The following MEDAG variants were observed in gnomAD, a reference collection of about 807,000 sequenced individuals.
MEDAG encodes the protein mesenteric estrogen dependent adipogenesis.
MEDAG carries 25 observed loss-of-function variants against 29.9 expected under a neutral mutation model. The ratio of observed to expected loss-of-function variants is 0.84; its 90% confidence interval spans 0.61 to 1.17. The LOEUF (loss-of-function observed/expected upper bound fraction) is 1.17. Ranked by LOEUF, MEDAG falls within the 50% of genes most tolerant of loss-of-function variation. MEDAG has a pLI of 0.00. For synonymous variants in MEDAG, 158 were observed against 148.2 expected (o/e 1.07, Z -0.48); for missense variants, 398 against 372.9 (o/e 1.07, Z -0.56).
chr13:30,908,136 A>G (rs976234647), intron 1 of MEDAG, among the ~76,000 whole-genome samples: 1 of 152,250 alleles, frequency 6.6e-6, no homozygotes, highest in Non-Finnish European at 1.5e-5. Flanking sequence ...TAATTGTAGC[A>G]AACAGTGCTG....
intron 1 of MEDAG, among the ~76,000 whole-genome samples, chr13:30,910,181 G>A (rs1041943113): frequency 2.2e-4 from 16 of 74,370 alleles, no homozygotes; most frequent in African/African-American, 6.4e-4. Flanking sequence ...CATTAACTAC[G>A]ACACACACAC....
rs1352881402 is a variant in MEDAG, at chr13:30,906,609, C to T, written c.94C>T (p.Leu32=). 1 of 1,585,332 alleles carries T rather than the reference C, an allele frequency of 6.3e-7. No homozygotes were observed. Among genetic ancestry groups the T allele is most frequent in the East Asian group, 2.3e-5 (1 of 43,550 alleles). ...LRSLWTCDCE[L]ALLPLAQLLR... is the part of the protein sequence containing the mutation. ...CAGCCTGTGGACCTGCGACTGCGAG[C>T]TGGCCCTGCTGCCGCTGGCTCAGCT... Residue 32 remains leucine, a synonymous_variant, in exon 1 of 5, where the codon CTG becomes TTG. Coordinates refer to ENST00000380482, the MANE Select transcript of MEDAG (RefSeq NM_032849.4).
Position 30,924,413 on chromosome 13 carries a change from A to G in MEDAG, c.890A>G (p.Glu297Gly). ...LPFPSVLESE[E>G]TPNQFI is the part of the protein sequence containing the mutation. ...TTTCCAAGTGTTCTGGAATCTGAAG[A>G]GACACCCAACCAATTTATCTGATTG... The change falls in exon 5 of 5, where the codon GAG becomes GGG. Residue 297 changes from glutamate to glycine, a missense_variant. Transcript: ENST00000380482. 5 of 1,614,102 alleles carry G rather than the reference A, an allele frequency of 3.1e-6. No individual in the cohort carries two copies. The highest frequency in any genetic ancestry group is 3.4e-6 in the Non-Finnish European group (4 of 1,180,018).
At chr13:30,918,564 T>C (rs72623491) in intron 2 of MEDAG, among the ~76,000 whole-genome samples, 27,033 of 152,202 alleles carry the variant, frequency 0.18, 2,510 homozygotes, top group East Asian at 0.38. Flanking sequence ...AATTTCAGTA[T>C]GAAAATGTCT....
At chr13:30,923,352 CTCTT>C (rs1953008070) in intron 4 of MEDAG, among the ~76,000 whole-genome samples, 1 of 152,056 alleles carries the variant, frequency 6.6e-6, no homozygotes. Context: ...CCATCTCTTT[CTCTT>C]TCTCTCTGTG....
chr13:30,912,318 A>G (rs1952889204), intron 1 of MEDAG, among the ~76,000 whole-genome samples: 1 of 152,248 alleles, frequency 6.6e-6, no homozygotes, highest in Non-Finnish European at 1.5e-5. Flanking sequence ...AAGGCGATCA[A>G]GCTAACACTG....
Position 30,924,518 on chromosome 13 carries a change from G to C in MEDAG, c.*83G>C, listed in dbSNP as rs1238709718. On this transcript the variant is annotated 3_prime_UTR_variant, in exon 5 of 5. Coordinates refer to ENST00000380482, the MANE Select transcript of MEDAG (RefSeq NM_032849.4). Reference sequence around the variant, plus strand: ...CTGGGGGGAGGGTAGGAGGTGGGAGGCAGATACTTCCACCTGCGTGTCAAT... The same window carrying C: ...CTGGGGGGAGGGTAGGAGGTGGGAGCCAGATACTTCCACCTGCGTGTCAAT... 2 of 1,379,212 alleles carry C rather than the reference G, an allele frequency of 1.5e-6. No homozygotes were observed. The highest frequency in any genetic ancestry group is 4.9e-5 in the East Asian group (2 of 40,486). 85.4% of individuals were successfully genotyped at this position (1,379,212 alleles called of 1,614,324 possible).
At chr13:30,918,324 A>G (rs9547938) in intron 2 of MEDAG, among the ~76,000 whole-genome samples, 2,624 of 152,332 alleles carry the variant, frequency 0.017, 40 homozygotes, top group Non-Finnish European at 0.028. Flanking sequence ...ATCAATAATT[A>G]TTCTGGGAAG....
chr13:30,923,517 G>C (rs1019849834), intron 4 of MEDAG, among the ~76,000 whole-genome samples: 1 of 151,744 alleles, frequency 6.6e-6, no homozygotes, highest in African/African-American at 2.4e-5. Flanking sequence ...TGTTGTTTCA[G>C]CTTTCTCTGC....
intron 1 of MEDAG, among the ~76,000 whole-genome samples, chr13:30,910,442 T>C (rs1207844439): frequency 6.6e-6 from 1 of 152,238 alleles, no homozygotes; most frequent in Non-Finnish European, 1.5e-5. Context: ...ATTACTGTTG[T>C]TTCTCCTTTT....
chr13:30,906,509 C>G lies in MEDAG; in HGVS notation c.-7C>G, dbSNP rs1952830182. 4.0e-6 allele frequency: 6 copies of G among 1,508,312 alleles called. No homozygotes were observed. The highest frequency in any genetic ancestry group is 5.3e-6 in the Non-Finnish European group (6 of 1,135,838). 93.4% of individuals were successfully genotyped at this position (1,508,312 alleles called of 1,614,324 possible). On this transcript the variant is annotated 5_prime_UTR_variant, in exon 1 of 5. Coordinates refer to ENST00000380482, the MANE Select transcript of MEDAG (RefSeq NM_032849.4). ...AAGCAGGCGGTGTGAGGACCGACGA[C>G]GCGGGCATGGCGGGGGCGGCCTGCG...
chr13:30,907,812 A>C (rs1289597358), intron 1 of MEDAG, among the ~76,000 whole-genome samples: 2 of 152,384 alleles, frequency 1.3e-5, no homozygotes, highest in South Asian at 4.1e-4. Flanking sequence ...GAGGGAGCCA[A>C]GAGAGGGAAG....
chr13:30,915,383 A>T (rs1488131221), intron 1 of MEDAG, among the ~76,000 whole-genome samples: 1 of 152,196 alleles, frequency 6.6e-6, no homozygotes, highest in Non-Finnish European at 1.5e-5. Flanking sequence ...GGCGCCCTGC[A>T]CTGCCTCCGT....
At chr13:30,915,043 C>T (rs1014271373) in intron 1 of MEDAG, among the ~76,000 whole-genome samples, 2 of 152,156 alleles carry the variant, frequency 1.3e-5, no homozygotes, top group Non-Finnish European at 2.9e-5. Context: ...TAGGTGGAGC[C>T]TGCTCCCCAA....
chr13:30,919,912 G>A (rs1454892202), intron 2 of MEDAG, among the ~76,000 whole-genome samples: 4 of 152,190 alleles, frequency 2.6e-5, no homozygotes, highest in Non-Finnish European at 4.4e-5. Context: ...ATTTCCTAAT[G>A]AGTAAACAAC....
intron 1 of MEDAG, among the ~76,000 whole-genome samples, chr13:30,912,052 C>A (rs924427364): frequency 6.6e-6 from 1 of 152,294 alleles, no homozygotes. Flanking sequence ...CAGTGCCCAG[C>A]ACACAGTAGG....
chr13:30,906,390 C>G lies in MEDAG; in HGVS notation c.-126C>G, dbSNP rs2138111310. The G allele has an allele frequency of 9.4e-7, 1 of 1,059,424 alleles. No individual in the cohort carries two copies. The highest frequency in any genetic ancestry group is 4.0e-5 in the Admixed American group (1 of 24,762). The allele number at this position is 1,059,424 out of a possible 1,614,324, so 65.6% of individuals were successfully genotyped here. ...TCCCGGCCAGGCGGGCAGACCGACCCCCTCCTCACCTCGCGCGCGGCTGAC... is the reference window on the plus strand; with the variant it reads ...TCCCGGCCAGGCGGGCAGACCGACCGCCTCCTCACCTCGCGCGCGGCTGAC... On this transcript the variant is annotated 5_prime_UTR_variant, in exon 1 of 5. Transcript: ENST00000380482.
chr13:30,920,598 A>C (rs1392307077), intron 2 of MEDAG, among the ~76,000 whole-genome samples: 5 of 152,132 alleles, frequency 3.3e-5, no homozygotes, highest in African/African-American at 1.2e-4. Flanking sequence ...AATAAAAAAA[A>C]AAAAGAAGAA....
chr13:30,908,632 C>G (rs900794828), intron 1 of MEDAG: 2 of 152,148 alleles, frequency 1.3e-5, no homozygotes, highest in African/African-American at 4.8e-5. Context: ...TTCCTCTGAG[C>G]TGCCAAATTT....
Sources: allele counts gnomAD v4.1 joint callset (sites outside exome capture counted in the v4.1 genomes callset), GRCh38; gene constraint gnomAD v4.1.1; transcripts MANE v1.5; gene names NCBI Gene and HGNC (gene_info 2026-07-23, HGNC 2026-07-21).